The following GLG1 variants were observed in gnomAD, a reference collection of about 807,000 sequenced individuals.
GLG1 encodes the protein Golgi apparatus protein 1.
In GLG1, 38 loss-of-function variants were observed where a neutral mutation model predicts 160.5. The ratio of observed to expected loss-of-function variants is 0.24; its 90% CI spans 0.18 to 0.31. The LOEUF (loss-of-function observed/expected upper bound fraction) is 0.31. Ranked by LOEUF, GLG1 falls within the 10% of genes least tolerant of loss-of-function variation. GLG1 has a pLI of 1.00. For synonymous variants in GLG1, 644 were observed against 543.4 expected, an observed-to-expected ratio of 1.19 and a Z score of -2.57; for missense variants, 1,373 against 1,505.2, an observed-to-expected ratio of 0.91 and a Z score of 1.45.
In GLG1 at chr16:74,542,761, GGAA is replaced by G. The variant is rs552565746; in HGVS notation, c.439-10611_439-10609del. 9.8e-3 allele frequency among the ~76,000 whole-genome samples: 518 copies of G among 52,678 alleles called. 9 individuals are homozygous for G. Among genetic ancestry groups the G allele is most frequent in the Non-Finnish European group, 0.016 (358 of 22,472 alleles). The allele number at this position is 52,678 out of a possible 152,430, so 34.6% of individuals were successfully genotyped here. On this transcript the variant is annotated intron_variant, in intron 1 of 25. Coordinates refer to ENST00000422840, the MANE Select transcript of GLG1 (RefSeq NM_001145667.2). ...AGGAAGGAAGGAAGGAAGGAAGGAA[GGAA>G]GGAAGGAAGGAAGGAAGGAAGGAAG...
At chr16:74,469,623 C>A (rs1274540894) in intron 16 of GLG1, 1 of 225,614 alleles carries the variant, frequency 4.4e-6, no homozygotes, top group Non-Finnish European at 8.8e-6. Context: ...AAAACTGCTG[C>A]ATCTTAGATG....
chr16:74,576,924 ATTTT>A (rs35963439), intron 1 of GLG1, among the ~76,000 whole-genome samples: 5 of 140,830 alleles, frequency 3.6e-5, no homozygotes, highest in Non-Finnish European at 3.1e-5. Context: ...ACCACTCCTA[ATTTT>A]TTTTTTTTTT....
At position 74,607,074 on chromosome 16, in the gene GLG1, T is replaced by A. The variant is rs774865709; in HGVS notation, c.21A>T (p.Val7=). 4 of 1,568,968 alleles carry A rather than the reference T, an allele frequency of 2.5e-6. No individual in the cohort carries two copies. The highest frequency in any genetic ancestry group is 3.5e-6 in the Non-Finnish European group (4 of 1,158,794). ...CCGCCGACAAGCGGAACATCCTCCG[T>A]ACACGTCCACACGCCGCCATCTTGA... The part of the protein sequence containing the change: MAACGR[V]RRMFRLSAAL... The change falls in exon 1 of 26, where the codon GTA becomes GTT. Residue 7 remains valine (V), a synonymous_variant. Transcript: ENST00000422840.
chr16:74,605,740 TA>T (rs964168968), intron 1 of GLG1, among the ~76,000 whole-genome samples: 4 of 149,036 alleles, frequency 2.7e-5, no homozygotes, highest in South Asian at 2.1e-4. Context: ...ATCTGATATT[TA>T]AAAAAAAAAC....
At chr16:74,502,862 G>A (rs1410909258) in intron 4 of GLG1, among the ~76,000 whole-genome samples, 4 of 149,544 alleles carry the variant, frequency 2.7e-5, no homozygotes, top group African/African-American at 4.9e-5. Context: ...GAGCCACCGC[G>A]CCCGGCCAGT....
chr16:74,580,046 G>A (rs1047699889), intron 1 of GLG1, among the ~76,000 whole-genome samples: 2 of 152,206 alleles, frequency 1.3e-5, no homozygotes, highest in Non-Finnish European at 2.9e-5. Context: ...CTGGGTGACA[G>A]AGTGAGACTC....
intron 1 of GLG1, among the ~76,000 whole-genome samples, chr16:74,581,571 G>A (rs534122009): frequency 8.3e-4 from 124 of 148,938 alleles, no homozygotes; most frequent in Non-Finnish European, 1.6e-3. Flanking sequence ...GGTGCTTCAT[G>A]CCTGTAATAC....
At chr16:74,502,949 G>C (rs1230621905) in intron 4 of GLG1, among the ~76,000 whole-genome samples, 1 of 151,344 alleles carries the variant, frequency 6.6e-6, no homozygotes, top group African/African-American at 2.4e-5. Flanking sequence ...GCTCACGTCT[G>C]TAATCCCAGC....
intron 14 of GLG1, among the ~76,000 whole-genome samples, chr16:74,471,777 G>T (rs956604688): frequency 2.0e-5 from 3 of 152,122 alleles, no homozygotes; most frequent in African/African-American, 7.2e-5. Flanking sequence ...CATACTAATG[G>T]GGGTTTCCCT....
rs2015766999 is a variant in GLG1, at chr16:74,485,779, T to C, written c.1571+17A>G. ...TGAAATACAATATGGATAAATACCATGGAGAAGATAACTTACATTGGGTCT... is the reference window on the plus strand; with the variant it reads ...TGAAATACAATATGGATAAATACCACGGAGAAGATAACTTACATTGGGTCT... On this transcript the variant is annotated intron_variant, in intron 9 of 25. Coordinates refer to ENST00000422840, the MANE Select transcript of GLG1 (RefSeq NM_001145667.2). 6.2e-7 allele frequency: 1 copy of C among 1,608,464 alleles called. No individual in the cohort carries two copies. Among genetic ancestry groups the C allele is most frequent in the Non-Finnish European group, 8.5e-7 (1 of 1,176,162 alleles).
intron 1 of GLG1, among the ~76,000 whole-genome samples, chr16:74,603,324 T>C (rs1040055072): frequency 3.4e-5 from 5 of 147,814 alleles, no homozygotes; most frequent in African/African-American, 1.0e-4. Flanking sequence ...GCAGAAGAAC[T>C]GCTTGAACCA....
intron 4 of GLG1, among the ~76,000 whole-genome samples, chr16:74,500,352 G>T (rs1357635540): frequency 6.6e-6 from 1 of 151,540 alleles, no homozygotes; most frequent in African/African-American, 2.4e-5. Flanking sequence ...ACTTTATTAT[G>T]GTAGAAAAAC....
chr16:74,460,727 CAG>C (rs577035288), intron 22 of GLG1, among the ~76,000 whole-genome samples: 38 of 152,334 alleles, frequency 2.5e-4, no homozygotes, highest in Non-Finnish European at 5.0e-4. Context: ...GACTGGCACA[CAG>C]AGTGGAAAAT....
At chr16:74,593,121 A>C (rs990091607) in intron 1 of GLG1, among the ~76,000 whole-genome samples, 7 of 152,082 alleles carry the variant, frequency 4.6e-5, no homozygotes, top group Non-Finnish European at 8.8e-5. Flanking sequence ...TCAATCTTGG[A>C]CTTCCCAACC....
At chr16:74,472,851 T>G in intron 13 of GLG1, 1 of 315,866 alleles carries the variant, frequency 3.2e-6, no homozygotes. Flanking sequence ...GAACACATAC[T>G]AATAATGCCT....
chr16:74,450,453 G>A lies in GLG1; in HGVS notation c.*2714C>T, dbSNP rs1418170107. 2 of 152,244 alleles carry A rather than the reference G, an allele frequency of 1.3e-5. No homozygotes were observed. Among genetic ancestry groups the A allele is most frequent in the African/African-American group, 2.4e-5 (1 of 41,458 alleles). 9.4% of individuals were successfully genotyped at this position (152,244 alleles called of 1,614,324 possible). A position where few individuals can be genotyped will look rare whatever the true frequency, so the allele number is the denominator to read the frequency against. ...CCCTGCCTGGGGCTCTCAAGAGCCA[G>A]TCATTGGAAAATGCTCCAAGTAAGA... On this transcript the variant is annotated 3_prime_UTR_variant, in exon 26 of 26. Coordinates refer to ENST00000422840, the MANE Select transcript of GLG1 (RefSeq NM_001145667.2).
intron 4 of GLG1, among the ~76,000 whole-genome samples, chr16:74,501,511 G>T (rs935172546): frequency 6.6e-6 from 1 of 152,180 alleles, no homozygotes; most frequent in Non-Finnish European, 1.5e-5. Flanking sequence ...AATCGTTTCA[G>T]TCACTACAGA....
chr16:74,606,322 C>G (rs1958565009), intron 1 of GLG1, among the ~76,000 whole-genome samples: 1 of 152,186 alleles, frequency 6.6e-6, no homozygotes, highest in South Asian at 2.1e-4. Flanking sequence ...AAATCCTAAA[C>G]TGATCTTCGG....
At position 74,491,121 on chromosome 16, in the gene GLG1, G is replaced by A. The variant is rs140582641; in HGVS notation, c.1329C>T (p.Ser443=). 17 of 1,613,772 alleles carry A rather than the reference G, an allele frequency of 1.1e-5. No individual in the cohort carries two copies. The East Asian group carries it at 2.9e-4, about 27-fold the overall frequency. Residue 443 remains serine (S), a synonymous_variant, in exon 8 of 26, where the codon AGC becomes AGT. Transcript: ENST00000422840. ...DFSLSPEIIL[S]CRGEIEHHCS... ...AATGGTGTTCAATCTCCCCCCGACA[G>A]CTTAGGATGATCTCAGGGCTCAGAG... is the stretch of plus-strand genomic sequence containing the variant.
Sources: allele counts gnomAD v4.1 joint callset (sites outside exome capture counted in the v4.1 genomes callset), GRCh38; gene constraint gnomAD v4.1.1; transcripts MANE v1.5; gene names NCBI Gene and HGNC (gene_info 2026-07-23, HGNC 2026-07-21).